Variants in NTN1 observed in about 807,000 individuals in gnomAD.
NTN1 encodes netrin-1.
In NTN1, 11 loss-of-function variants were observed where a neutral mutation model predicts 54.2. The observed-to-expected ratio is 0.20, with a 90% confidence interval of 0.13 to 0.34. The LOEUF (loss-of-function observed/expected upper bound fraction) is 0.34. Ranked by LOEUF, NTN1 falls within the 10% of genes least tolerant of loss-of-function variation. The pLI is 1.00. For missense variants in NTN1, 740 were observed against 893.1 expected (o/e 0.83, Z 2.18); for synonymous variants, 371 against 382.0 (o/e 0.97, Z 0.33).
At chr17:9,077,877 G>A (rs1192982923) in intron 2 of NTN1, among the ~76,000 whole-genome samples, 1 of 152,192 alleles carries the variant, frequency 6.6e-6, no homozygotes, top group East Asian at 1.9e-4. Flanking sequence ...ATCAGTATTT[G>A]TGGAGGCTTA....
upstream of NTN1, among the ~76,000 whole-genome samples, chr17:9,017,113 C>T (rs1188418581): frequency 6.6e-6 from 1 of 152,242 alleles, no homozygotes; most frequent in Non-Finnish European, 1.5e-5. Context: ...TCTCCTCCTG[C>T]TGGCTCCAGT....
intron 2 of NTN1, among the ~76,000 whole-genome samples, chr17:9,106,607 G>A (rs1355222628): frequency 3.3e-5 from 5 of 151,926 alleles, no homozygotes; most frequent in Non-Finnish European, 7.4e-5. Context: ...TCCGCTTCCT[G>A]GGTTCAAGCA....
At chr17:9,126,135 C>G (rs1362465115) in intron 2 of NTN1, among the ~76,000 whole-genome samples, 2 of 152,222 alleles carry the variant, frequency 1.3e-5, no homozygotes, top group East Asian at 3.8e-4. Flanking sequence ...AACAACATAG[C>G]ACTTAATGAA....
the NTN1 span, among the ~76,000 whole-genome samples, chr17:9,015,365 C>T: frequency 6.6e-6 from 1 of 151,792 alleles, no homozygotes; most frequent in Non-Finnish European, 1.5e-5. Flanking sequence ...GAGCCAAGAT[C>T]GTGCCACTGC....
rs755259287 is a variant in NTN1, at chr17:9,023,185, C to G, written c.812C>G (p.Ser271Trp). The G allele has an allele frequency of 4.5e-6, 7 of 1,562,490 alleles. No individual in the cohort carries two copies. Among genetic ancestry groups the G allele is most frequent in the Non-Finnish European group, 6.1e-6 (7 of 1,151,046 alleles). ...GACGACTCGGAGCTGGCGCGCGACT[C>G]GTACTTCTACGCGGTGTCCGACCTG... ...NEDDSELARD[S>W]YFYAVSDLQV... is the part of the protein sequence containing the mutation. Residue 271 changes from serine (S) to tryptophan (W), a missense_variant, in exon 2 of 7, where the codon TCG becomes TGG. Transcript: ENST00000173229.
At chr17:9,170,528 G>T (rs557495223) in intron 3 of NTN1, among the ~76,000 whole-genome samples, 1 of 152,192 alleles carries the variant, frequency 6.6e-6, no homozygotes, top group Middle Eastern at 3.2e-3. Context: ...GGCCCCAGGG[G>T]TTGGCCCTAA....
At chr17:9,169,777 A>C (rs1186570880) in intron 3 of NTN1, among the ~76,000 whole-genome samples, 1 of 152,222 alleles carries the variant, frequency 6.6e-6, no homozygotes, top group Admixed American at 6.5e-5. Context: ...AGGCAGGAGA[A>C]TCGCTTGAGC....
Position 9,022,622 on chromosome 17 carries a change from C to T in NTN1, c.249C>T (p.Arg83=), listed in dbSNP as rs1219660632. 6.4e-7 allele frequency: 1 copy of T among 1,552,422 alleles called. No individual in the cohort carries two copies. The highest frequency in any genetic ancestry group is 8.7e-7 in the Non-Finnish European group (1 of 1,149,248). Residue 83 remains arginine (R), a synonymous_variant, in exon 2 of 7, where the codon CGC becomes CGT. Transcript: ENST00000173229. The stretch of plus-strand genomic sequence containing the variant: ...CGCGCTACTGCGTGGTGAGCGAGCG[C>T]GGCGAGGAGCGGCTGCGCTCGTGCC... ...PPARYCVVSE[R]GEERLRSCHL...
At chr17:9,131,756 A>G (rs957798754) in intron 2 of NTN1, among the ~76,000 whole-genome samples, 1 of 150,788 alleles carries the variant, frequency 6.6e-6, no homozygotes, top group Non-Finnish European at 1.5e-5. Flanking sequence ...AATTTTTTGT[A>G]TTTTTAGTAG....
intron 2 of NTN1, among the ~76,000 whole-genome samples, chr17:9,147,873 T>C (rs2092318209): frequency 6.6e-6 from 1 of 152,234 alleles, no homozygotes. Flanking sequence ...TTAAAATAAC[T>C]GGATTCAGAA....
chr17:9,229,812 G>C (rs188466674), intron 6 of NTN1, among the ~76,000 whole-genome samples: 5 of 152,180 alleles, frequency 3.3e-5, no homozygotes, highest in Non-Finnish European at 7.3e-5. Flanking sequence ...CTGATGGTGA[G>C]GGGGGAGACC....
In NTN1 at chr17:9,226,500, GTGGTCT is replaced by G. The variant is rs1905564061; in HGVS notation, c.1486+5259_1486+5264del. ...CGTGGGGAGGCGGTCTCGTGGGGAGGTGGTCTCGTGGGGAGGTGGTCTCGTGGGGAG... is the reference window on the plus strand; with the variant it reads ...CGTGGGGAGGCGGTCTCGTGGGGAGGCGTGGGGAGGTGGTCTCGTGGGGAG... On this transcript the variant is annotated intron_variant, in intron 6 of 6. Coordinates refer to ENST00000173229, the MANE Select transcript of NTN1 (RefSeq NM_004822.3). Among the ~76,000 whole-genome samples, 3 of 33,824 alleles carry G rather than the reference GTGGTCT, an allele frequency of 8.9e-5. No individual in the cohort carries two copies. The African/African-American group carries it at 9.5e-4, about 11-fold the overall frequency. 22.2% of individuals were successfully genotyped at this position (33,824 alleles called of 152,430 possible). A position where few individuals can be genotyped will look rare whatever the true frequency, so the allele number is the denominator to read the frequency against.
In NTN1 at chr17:9,135,074, A is replaced by T. The variant is rs2092276935; in HGVS notation, c.1019-27739A>T. Among the ~76,000 whole-genome samples, 1 of 152,072 alleles carries T rather than the reference A, an allele frequency of 6.6e-6. No homozygotes were observed. Among genetic ancestry groups the T allele is most frequent in the Non-Finnish European group, 1.5e-5 (1 of 68,016 alleles). On this transcript the variant is annotated intron_variant, in intron 2 of 6. Transcript: ENST00000173229. The surrounding 1 kb of genome is among the most constrained non-coding windows in gnomAD (Gnocchi z 4.4). ...AATTCTCCGAGTGCTGTACCTGGAC[A>T]CGGGTGTCCCCATCCACACCGAGGG...
chr17:9,093,721 C>A (rs981602277), intron 2 of NTN1, among the ~76,000 whole-genome samples: 4 of 152,274 alleles, frequency 2.6e-5, no homozygotes, highest in Admixed American at 2.6e-4. Flanking sequence ...CGCCTGTAAT[C>A]CCAGCACTTT....
intron 2 of NTN1, among the ~76,000 whole-genome samples, chr17:9,067,662 A>T (rs1379006098): frequency 6.6e-6 from 1 of 152,040 alleles, no homozygotes; most frequent in African/African-American, 2.4e-5. Flanking sequence ...CAACCCACTC[A>T]TCTTCCTCAC....
chr17:9,127,704 A>G (rs1367531019), intron 2 of NTN1, among the ~76,000 whole-genome samples: 2 of 152,162 alleles, frequency 1.3e-5, no homozygotes, highest in African/African-American at 4.8e-5. Context: ...GGGGAACTAG[A>G]AAGTCCTCTG....
chr17:9,176,277 G>C (rs1343885496), intron 3 of NTN1: 1 of 152,538 alleles, frequency 6.6e-6, no homozygotes, highest in Non-Finnish European at 1.5e-5. Flanking sequence ...GTGTTTGTGA[G>C]TCAATGTATG....
chr17:9,184,443 G>C (rs1416052399), intron 5 of NTN1, among the ~76,000 whole-genome samples: 1 of 152,234 alleles, frequency 6.6e-6, no homozygotes, highest in Non-Finnish European at 1.5e-5. Context: ...AATTACTTCA[G>C]CTCTAGGGGA....
At chr17:9,114,732 C>T (rs993469785) in intron 2 of NTN1, among the ~76,000 whole-genome samples, 2 of 152,132 alleles carry the variant, frequency 1.3e-5, no homozygotes, top group African/African-American at 4.8e-5. Flanking sequence ...CCAGCCTAGG[C>T]AACAGAGCGA....
Sources: gnomAD v4.1 joint callset for allele counts (sites outside exome capture counted in the v4.1 genomes callset) on GRCh38, gnomAD v4.1.1 for gene constraint, Gnocchi (gnomAD v3.1) non-coding constraint, MANE v1.5 for transcripts, NCBI Gene and HGNC (gene_info 2026-07-23, HGNC 2026-07-21) for gene names.